The following COG7 variants were observed in gnomAD, a reference collection of about 807,000 sequenced individuals.
COG7 encodes the protein component of oligomeric golgi complex 7.
In COG7, 49 loss-of-function variants were observed where a neutral mutation model predicts 91.5. The ratio of observed to expected loss-of-function variants is 0.54; its 90% CI spans 0.43 to 0.68. The LOEUF (loss-of-function observed/expected upper bound fraction) is 0.68, where lower values mean the gene tolerates loss of function less well. Among genes scored for constraint, COG7 ranks in the 30% least tolerant of loss-of-function variants. The pLI, the probability that COG7 is intolerant of heterozygous loss-of-function variation, is 0.00. For missense variants in COG7, 895 were observed against 961.3 expected (o/e 0.93, Z 0.91); for synonymous variants, 365 against 388.7 (o/e 0.94, Z 0.72).
intron 6 of COG7, among the ~76,000 whole-genome samples, chr16:23,425,527 A>G (rs569807489): frequency 1.6e-4 from 24 of 151,950 alleles, no homozygotes; most frequent in African/African-American, 5.8e-4. Context: ...TTTTGTAGAG[A>G]CGGGGTCTCA....
In COG7 at chr16:23,404,725, G is replaced by T. The variant is rs1377783056; in HGVS notation, c.1663-891C>A. ...ACCTGAGGTCAGGAGTTCGAGGCCA[G>T]CCTGGCCAATATGGTGAAACCCTTT... is the stretch of plus-strand genomic sequence containing the variant. On this transcript the variant is annotated intron_variant, in intron 12 of 16. Coordinates refer to ENST00000307149, the MANE Select transcript of COG7 (RefSeq NM_153603.4). 2.0e-5 allele frequency among the ~76,000 whole-genome samples: 3 copies of T among 152,250 alleles called. 1 individual carries two copies. Among genetic ancestry groups the T allele is most frequent in the Admixed American group, 1.3e-4 (2 of 15,282 alleles).
chr16:23,441,722 T>C (rs1964104389), intron 4 of COG7: 1 of 152,062 alleles, frequency 6.6e-6, no homozygotes, highest in African/African-American at 2.4e-5. Context: ...CAGGAAATGT[T>C]TGTCAGTCCT....
At chr16:23,411,940 G>A (rs1369202670) in intron 10 of COG7, among the ~76,000 whole-genome samples, 2 of 151,314 alleles carry the variant, frequency 1.3e-5, no homozygotes, top group Non-Finnish European at 2.9e-5. Context: ...GAGTGCAATG[G>A]TGCAGTCTTG....
intron 4 of COG7, among the ~76,000 whole-genome samples, chr16:23,434,920 T>A (rs1963990979): frequency 6.6e-6 from 1 of 152,226 alleles, no homozygotes; most frequent in Admixed American, 6.5e-5. Context: ...TATTCCCCAC[T>A]GTTCCTCACA....
rs764926770 is a variant in COG7, at chr16:23,392,372, G to A, written c.2146+8C>T. 14 of 1,614,014 alleles carry A rather than the reference G, an allele frequency of 8.7e-6. No homozygotes were observed. Among genetic ancestry groups the A allele is most frequent in the Non-Finnish European group, 1.1e-5 (13 of 1,180,044 alleles). ...GTCCCTCCCACCGCCTGTCTTGTGGGGACCCACCGATGTCAGTGGCCAGCT... is the reference window on the plus strand; with the variant it reads ...GTCCCTCCCACCGCCTGTCTTGTGGAGACCCACCGATGTCAGTGGCCAGCT... On this transcript the variant is annotated splice_region_variant and intron_variant, in intron 16 of 16. Transcript: ENST00000307149.
chr16:23,445,238 G>GT, intron 2 of COG7, 74 bp from the exon 3 acceptor site: 1 of 999,658 alleles, frequency 1.0e-6, no homozygotes, highest in Non-Finnish European at 1.6e-6. Flanking sequence ...GACTTGAAAT[G>GT]TAAGTATGGT....
At chr16:23,440,729 T>C (rs68121442) in intron 4 of COG7, among the ~76,000 whole-genome samples, 7,514 of 152,042 alleles carry the variant, frequency 0.049, 279 homozygotes, top group Middle Eastern at 0.071. Flanking sequence ...AGTGCTGGGA[T>C]TACAGGCATG....
At chr16:23,452,468 G>A (rs904443579) in intron 1 of COG7, among the ~76,000 whole-genome samples, 9 of 152,194 alleles carry the variant, frequency 5.9e-5, no homozygotes, top group African/African-American at 2.2e-4. Context: ...AGCGACTCGA[G>A]AGGCGAGAGG....
At position 23,445,842 on chromosome 16, in the gene COG7, AT is replaced by A; in HGVS notation, c.288del (p.Lys96AsnfsTer14). Reference sequence around the variant, plus strand: ...ATGGATTGAGATGTGTCCTGTTCAAATTTTTTAATGTCCTCCTTGACAAGAA... The same window carrying A: ...ATGGATTGAGATGTGTCCTGTTCAAATTTTTAATGTCCTCCTTGACAAGAA... ...QMILVKEDIK[K>X]FEQDTSQSMQ... On this transcript the variant is annotated frameshift_variant, in exon 2 of 17. Coordinates refer to ENST00000307149, the MANE Select transcript of COG7 (RefSeq NM_153603.4). LOFTEE classifies it high-confidence loss of function. 1.9e-6 allele frequency: 3 copies of A among 1,613,992 alleles called. No individual in the cohort carries two copies. The highest frequency in any genetic ancestry group is 2.5e-6 in the Non-Finnish European group (3 of 1,179,986).
chr16:23,446,895 G>A, intron 1 of COG7: 1 of 151,738 alleles, frequency 6.6e-6, no homozygotes, highest in Non-Finnish European at 1.5e-5. Flanking sequence ...GGGACTACAG[G>A]CACACACCAC....
At chr16:23,445,762 C>T (rs1420668786) in intron 2 of COG7, 51 bp downstream of exon 2, 4 of 1,597,366 alleles carry the variant, frequency 2.5e-6, no homozygotes, top group East Asian at 2.2e-5. Flanking sequence ...TGACCACCTT[C>T]CCAAAGCAAG....
At chr16:23,439,672 G>C (rs1334343673) in intron 4 of COG7, among the ~76,000 whole-genome samples, 2 of 152,176 alleles carry the variant, frequency 1.3e-5, no homozygotes, top group African/African-American at 4.8e-5. Flanking sequence ...AAAGTAGAAT[G>C]ATGATTGCTG....
intron 1 of COG7, among the ~76,000 whole-genome samples, chr16:23,449,604 G>A (rs1339475581): frequency 2.0e-5 from 3 of 151,100 alleles, no homozygotes; most frequent in South Asian, 2.1e-4. Flanking sequence ...AGCCAGGCAT[G>A]GTGGCGCATG....
At chr16:23,413,340 A>T (rs961407753) in intron 10 of COG7, 108 bp downstream of exon 10, 5 of 775,394 alleles carry the variant, frequency 6.4e-6, no homozygotes, top group East Asian at 5.0e-5. Flanking sequence ...GCAGTGAAAG[A>T]AAAAAAACGA....
chr16:23,420,998 C>A (rs1963747343), intron 7 of COG7, among the ~76,000 whole-genome samples: 1 of 150,322 alleles, frequency 6.7e-6, no homozygotes, highest in Non-Finnish European at 1.5e-5. Context: ...GACTCCCTCA[C>A]CTTGGCCTCC....
intron 4 of COG7, among the ~76,000 whole-genome samples, chr16:23,440,519 T>C (rs1964083813): frequency 6.6e-6 from 1 of 151,982 alleles, no homozygotes; most frequent in African/African-American, 2.4e-5. Context: ...TATTTTTTTT[T>C]TTTTGAGACA....
At chr16:23,413,865 C>T in intron 9 of COG7, 1 of 350,678 alleles carries the variant, frequency 2.9e-6, no homozygotes, top group Non-Finnish European at 5.5e-6. Context: ...GCTGATAAAT[C>T]CCCCCTCATC....
Position 23,418,653 on chromosome 16 carries a change from G to C in COG7, c.1137+47C>G, listed in dbSNP as rs568236280. On this transcript the variant is annotated intron_variant, in intron 8 of 16. Coordinates refer to ENST00000307149, the MANE Select transcript of COG7 (RefSeq NM_153603.4). ...CTCTCCCAGACGTGGCCAAGACCCTGGCTAACAGAATGCTTCCTCAGTGGC... is the reference window on the plus strand; with the variant it reads ...CTCTCCCAGACGTGGCCAAGACCCTCGCTAACAGAATGCTTCCTCAGTGGC... 5.6e-6 allele frequency: 9 copies of C among 1,605,834 alleles called. No individual in the cohort carries two copies. In the East Asian group the frequency reaches 1.8e-4, roughly 32 times the overall value.
chr16:23,410,299 T>C lies in COG7; in HGVS notation c.1471A>G (p.Asn491Asp), dbSNP rs1963541276. 2 of 1,613,828 alleles carry C rather than the reference T, an allele frequency of 1.2e-6. No individual in the cohort carries two copies. Among genetic ancestry groups the C allele is most frequent in the African/African-American group, 1.3e-5 (1 of 74,918 alleles). The change falls in exon 11 of 17, where the codon AAC becomes GAC. Residue 491 changes from asparagine to aspartate, a missense_variant. Physicochemically the swap from Asn to Asp is conservative, Grantham distance 23. Transcript: ENST00000307149. ...HCGDFEQQLA[N>D]RILSTAGKYL... is the part of the protein sequence containing the mutation. ...ACAATGACTCCTCTCTCCTACCTGT[T>C]GGCTAGCTGCTGCTCGAAGTCCCCA...
Sources: allele counts gnomAD v4.1 joint callset (sites outside exome capture counted in the v4.1 genomes callset), GRCh38; gene constraint gnomAD v4.1.1; transcripts MANE v1.5; gene names NCBI Gene and HGNC (gene_info 2026-07-23, HGNC 2026-07-21).